STPG2: variants seen among roughly 807,000 people sequenced by gnomAD.
STPG2 encodes the protein sperm tail PG-rich repeat containing 2.
STPG2 carries 56 observed loss-of-function variants against 54.2 expected under a neutral mutation model. That is an observed-to-expected ratio of 1.03 (90% CI 0.83 to 1.29). STPG2 has a LOEUF of 1.29. Among genes scored for constraint, STPG2 ranks in the 50% most tolerant of loss-of-function variants. The probability of loss-of-function intolerance (pLI) is 0.00; values close to 1 mark genes in which losing one functional copy is unlikely to be tolerated. For missense variants in STPG2, 596 were observed against 544.9 expected (o/e 1.09, Z -0.93); for synonymous variants, 200 against 181.8 (o/e 1.10, Z -0.81).
chr4:97,592,157 T>C (rs1366249363), intron 10 of STPG2, among the ~76,000 whole-genome samples: 2 of 152,078 alleles, frequency 1.3e-5, no homozygotes, highest in Non-Finnish European at 2.9e-5. Flanking sequence ...AATAATAACA[T>C]AAAAATTGGT....
At chr4:97,919,522 A>C (rs1256995335) in intron 8 of STPG2, among the ~76,000 whole-genome samples, 1 of 151,994 alleles carries the variant, frequency 6.6e-6, no homozygotes, top group Non-Finnish European at 1.5e-5. Context: ...ATAAACACAA[A>C]AAAAAGAAGA....
intron 4 of STPG2, among the ~76,000 whole-genome samples, chr4:97,456,623 C>T (rs749379857): frequency 2.6e-5 from 4 of 151,972 alleles, no homozygotes; most frequent in East Asian, 1.9e-4. Flanking sequence ...GGGCCGGGAG[C>T]GGTGGCTTAT....
intron 5 of STPG2, among the ~76,000 whole-genome samples, chr4:98,048,200 T>C (rs745398097): frequency 6.6e-6 from 1 of 152,214 alleles, no homozygotes; most frequent in Non-Finnish European, 1.5e-5. Flanking sequence ...CAATGTATTA[T>C]AATCTTCCCC....
intron 4 of STPG2, among the ~76,000 whole-genome samples, chr4:97,516,124 CACTT>C (rs746859857): frequency 6.2e-4 from 95 of 152,242 alleles, no homozygotes; most frequent in Non-Finnish European, 1.1e-3. Context: ...TGTTTTCCCT[CACTT>C]GTCATTCACA....
chr4:97,566,926 A>G (rs1314732882), intron 10 of STPG2, among the ~76,000 whole-genome samples: 1 of 151,744 alleles, frequency 6.6e-6, no homozygotes, highest in Non-Finnish European at 1.5e-5. Context: ...AGATATACCT[A>G]ATGCTAATTG....
chr4:98,142,625 C>T (rs1740330332), intron 1 of STPG2, among the ~76,000 whole-genome samples: 1 of 151,942 alleles, frequency 6.6e-6, no homozygotes, highest in Non-Finnish European at 1.5e-5. Flanking sequence ...TAAGCTACAT[C>T]TTAATAAATA....
chr4:98,074,952 TA>T (rs1241539836), intron 5 of STPG2, among the ~76,000 whole-genome samples: 2 of 126,444 alleles, frequency 1.6e-5, no homozygotes, highest in Non-Finnish European at 3.5e-5. Flanking sequence ...GAAAAAAATA[TA>T]AACTCTGAAT....
chr4:97,649,874 C>A (rs1175556151), intron 10 of STPG2, among the ~76,000 whole-genome samples: 2 of 152,070 alleles, frequency 1.3e-5, no homozygotes, highest in Non-Finnish European at 2.9e-5. Flanking sequence ...TTATTATCCA[C>A]TTTAATTCTA....
intron 5 of STPG2, among the ~76,000 whole-genome samples, chr4:98,024,887 G>T (rs570593918): frequency 6.6e-6 from 1 of 151,624 alleles, no homozygotes; most frequent in African/African-American, 2.4e-5. Context: ...TATAAAGCAA[G>T]AAGTCCAGAA....
intron 10 of STPG2, among the ~76,000 whole-genome samples, chr4:97,635,537 C>T (rs913669540): frequency 2.0e-5 from 3 of 152,172 alleles, no homozygotes; most frequent in African/African-American, 7.2e-5. Flanking sequence ...TTAAAAGACA[C>T]AGACTGGCAA....
chr4:97,588,741 T>A (rs1410434944), intron 10 of STPG2, among the ~76,000 whole-genome samples: 2 of 152,112 alleles, frequency 1.3e-5, no homozygotes, highest in Admixed American at 6.6e-5. Flanking sequence ...TTTACCGATA[T>A]GATTATCAAA....
At chr4:97,982,377 TACAC>T (rs59489663) in intron 5 of STPG2, among the ~76,000 whole-genome samples, 134 of 143,604 alleles carry the variant, frequency 9.3e-4, no homozygotes, top group Middle Eastern at 3.6e-3. Flanking sequence ...TCTCTTACTC[TACAC>T]ACACACACAC....
At chr4:98,011,108 C>G (rs530058940) in intron 5 of STPG2, among the ~76,000 whole-genome samples, 4 of 152,160 alleles carry the variant, frequency 2.6e-5, no homozygotes, top group Non-Finnish European at 4.4e-5. Flanking sequence ...TCTCCCTCCC[C>G]CTGTGCTCTA....
chr4:98,118,347 A>G (rs1739579422), intron 3 of STPG2, among the ~76,000 whole-genome samples: 1 of 151,920 alleles, frequency 6.6e-6, no homozygotes, highest in Admixed American at 6.6e-5. Context: ...TAGAATCTCA[A>G]CTCTTTTTTT....
chr4:98,069,658 T>C (rs1454518646), intron 5 of STPG2, among the ~76,000 whole-genome samples: 3 of 152,050 alleles, frequency 2.0e-5, no homozygotes, highest in Admixed American at 6.6e-5. Flanking sequence ...TCCATACACA[T>C]CTAGACATTA....
chr4:97,611,120 A>G (rs1286066565), intron 10 of STPG2, among the ~76,000 whole-genome samples: 1 of 152,014 alleles, frequency 6.6e-6, no homozygotes. Flanking sequence ...TTTATCACAT[A>G]AGAATTTCAA....
chr4:97,798,558 T>C (rs1230156990), intron 9 of STPG2, among the ~76,000 whole-genome samples: 6 of 151,628 alleles, frequency 4.0e-5, no homozygotes, highest in Non-Finnish European at 8.8e-5. Flanking sequence ...CAGTTTGTTA[T>C]AATTTCTGTT....
At chr4:97,617,136 G>A (rs1417967253) in intron 10 of STPG2, among the ~76,000 whole-genome samples, 1 of 151,760 alleles carries the variant, frequency 6.6e-6, no homozygotes, top group South Asian at 2.1e-4. Context: ...TAAAGTGTGT[G>A]TGTGTGTGTG....
In STPG2 at chr4:97,576,524, T is replaced by C. The variant is rs116542936; in HGVS notation, c.1321-17407A>G. Among the ~76,000 whole-genome samples, 1,161 of 152,216 alleles carry C rather than the reference T, an allele frequency of 7.6e-3. 15 individuals carry two copies. The highest frequency in any genetic ancestry group is 0.025 in the African/African-American group (1,027 of 41,542). ...AAAGGACTCCCTTTTCAATACATGG[T>C]GCTAGGATAACTTGCTAGCCATATG... On this transcript the variant is annotated intron_variant, in intron 10 of 10. Coordinates refer to ENST00000295268, the MANE Select transcript of STPG2 (RefSeq NM_174952.3).
Sources: gnomAD v4.1 joint callset for allele counts (sites outside exome capture counted in the v4.1 genomes callset) on GRCh38, gnomAD v4.1.1 for gene constraint, MANE v1.5 for transcripts, NCBI Gene and HGNC (gene_info 2026-07-23, HGNC 2026-07-21) for gene names.